Variants in XKR6 observed in about 807,000 individuals in gnomAD.
XKR6 encodes XK-related protein 6.
A neutral mutation model predicts 56.7 loss-of-function variants in XKR6; 22 were observed. The observed-to-expected ratio is 0.39, with a 90% CI of 0.28 to 0.55. The LOEUF (loss-of-function observed/expected upper bound fraction) is 0.55. XKR6 is among the 20% of genes least tolerant of loss of function. XKR6 has a pLI of 0.66. For synonymous variants in XKR6, 524 were observed against 387.8 expected, an observed-to-expected ratio of 1.35 and a Z score of -4.13; for missense variants, 852 against 889.0, an observed-to-expected ratio of 0.96 and a Z score of 0.53.
rs899837591 is a variant in XKR6 at position 11,109,707 on chromosome 8, A to G, written c.764+90869T>C. 3.9e-5 allele frequency: 6 copies of G among 152,194 alleles called. 1 individual carries two copies. The East Asian group carries it at 1.2e-3, about 29-fold the overall frequency. 9.4% of individuals were successfully genotyped at this position (152,194 alleles called of 1,614,324 possible). ...TTCATTTGTGCTCAGAGTTTTCAGC[A>G]TCTAAGATGGCCTTTAAACTATTCA... On this transcript the variant is annotated intron_variant, in intron 1 of 2. Transcript: ENST00000416569.
chr8:11,048,829 T>G (rs917620001), intron 1 of XKR6, among the ~76,000 whole-genome samples: 11 of 152,276 alleles, frequency 7.2e-5, no homozygotes, highest in Admixed American at 7.2e-4. Flanking sequence ...CAGCCTCTGC[T>G]CTGTCCTCTC....
At chr8:11,010,648 G>A (rs1009966549) in intron 1 of XKR6, among the ~76,000 whole-genome samples, 5 of 152,080 alleles carry the variant, frequency 3.3e-5, no homozygotes, top group Admixed American at 6.5e-5. Flanking sequence ...TCAACATTTC[G>A]TAATTTTCCA....
chr8:10,900,857 C>CTTTTTTTT (rs139738888), intron 2 of XKR6, among the ~76,000 whole-genome samples: 7 of 114,364 alleles, frequency 6.1e-5, no homozygotes, highest in African/African-American at 1.0e-4. Context: ...GTGCAATTAC[C>CTTTTTTTT]TTTTTTTTTT....
At chr8:11,033,972 T>C (rs1426979876) in intron 1 of XKR6, among the ~76,000 whole-genome samples, 1 of 152,212 alleles carries the variant, frequency 6.6e-6, no homozygotes, top group East Asian at 1.9e-4. Context: ...GCCAGGACTA[T>C]AACCACATCC....
chr8:10,976,472 C>T (rs184525664), intron 1 of XKR6, among the ~76,000 whole-genome samples: 10 of 152,280 alleles, frequency 6.6e-5, no homozygotes, highest in East Asian at 5.8e-4. Context: ...GAACCAGATA[C>T]GCCTGCAGGT....
chr8:10,937,682 TG>T (rs1280501237), intron 1 of XKR6, among the ~76,000 whole-genome samples: 1 of 148,378 alleles, frequency 6.7e-6, no homozygotes, highest in Non-Finnish European at 1.5e-5. Flanking sequence ...AGTGTGCCCC[TG>T]CTGGGGGGTG....
At chr8:11,062,761 G>A in intron 1 of XKR6, 1 of 456,240 alleles carries the variant, frequency 2.2e-6, no homozygotes, top group South Asian at 1.5e-5. Flanking sequence ...CGTACTTACA[G>A]AAATTGTTCT....
rs58447625 is a variant in XKR6, at chr8:10,940,796, C to T, written c.765-15966G>A. 1.9e-3 allele frequency among the ~76,000 whole-genome samples: 282 copies of T among 152,296 alleles called. 2 individuals carry two copies. The highest frequency in any genetic ancestry group is 6.3e-3 in the African/African-American group (260 of 41,566). ...CACACACATCCCCTTTGCAATAGGC[C>T]GGCGGGCCCATCACCAGCAAACTGC... On this transcript the variant is annotated intron_variant, in intron 1 of 2. Coordinates refer to ENST00000416569, the MANE Select transcript of XKR6 (RefSeq NM_173683.4).
intron 1 of XKR6, among the ~76,000 whole-genome samples, chr8:11,193,192 G>A (rs1314988099): frequency 6.6e-6 from 1 of 152,204 alleles, no homozygotes; most frequent in African/African-American, 2.4e-5. Flanking sequence ...GATGAGCACA[G>A]TCCATGCTCT....
chr8:11,003,467 T>G (rs557140392), intron 1 of XKR6, among the ~76,000 whole-genome samples: 2 of 152,168 alleles, frequency 1.3e-5, no homozygotes, highest in East Asian at 1.9e-4. Flanking sequence ...ATCATCACCA[T>G]CAACCACCAC....
At chr8:11,029,876 C>T (rs1212514999) in intron 1 of XKR6, among the ~76,000 whole-genome samples, 3 of 152,164 alleles carry the variant, frequency 2.0e-5, no homozygotes, top group East Asian at 1.9e-4. Flanking sequence ...CCCTACTCCA[C>T]GATCTTGGCT....
chr8:11,177,428 G>C (rs536219897), intron 1 of XKR6, among the ~76,000 whole-genome samples: 1 of 152,172 alleles, frequency 6.6e-6, no homozygotes, highest in Non-Finnish European at 1.5e-5. Context: ...ATTATGCTAA[G>C]AAAAGACCAT....
intron 1 of XKR6, among the ~76,000 whole-genome samples, chr8:10,934,990 G>C (rs1801171038): frequency 1.1e-5 from 1 of 94,620 alleles, no homozygotes; most frequent in South Asian, 3.5e-4. Flanking sequence ...GTTCCTCCTT[G>C]TACCTCTGGT....
At chr8:10,926,141 G>T (rs1465060540) in intron 1 of XKR6, among the ~76,000 whole-genome samples, 2 of 152,178 alleles carry the variant, frequency 1.3e-5, no homozygotes, top group Non-Finnish European at 2.9e-5. Context: ...ACCCTATCCA[G>T]GCCCAGCTGG....
At chr8:10,960,306 C>T (rs935180406) in intron 1 of XKR6, among the ~76,000 whole-genome samples, 2 of 151,498 alleles carry the variant, frequency 1.3e-5, no homozygotes, top group Admixed American at 6.5e-5. Flanking sequence ...AGCAGAGGTA[C>T]AGTCTACTTC....
chr8:11,167,341 G>C (rs1717163201), intron 1 of XKR6, among the ~76,000 whole-genome samples: 1 of 152,182 alleles, frequency 6.6e-6, no homozygotes, highest in Non-Finnish European at 1.5e-5. Flanking sequence ...CCAAGAATGG[G>C]ACCCTGGTCC....
At chr8:11,137,468 G>A (rs758119869) in intron 1 of XKR6, 6 of 431,624 alleles carry the variant, frequency 1.4e-5, no homozygotes, top group Admixed American at 1.0e-4. Context: ...CAGCCGACAC[G>A]GAAGTCTTAT....
intron 1 of XKR6, among the ~76,000 whole-genome samples, chr8:11,089,743 A>G (rs1448434217): frequency 6.6e-6 from 1 of 152,254 alleles, no homozygotes; most frequent in Non-Finnish European, 1.5e-5. Flanking sequence ...AGCGTTTTGC[A>G]TAGTTCTACT....
chr8:11,194,891 G>A, intron 1 of XKR6: 1 of 505,202 alleles, frequency 2.0e-6, no homozygotes, highest in Non-Finnish European at 3.5e-6. Flanking sequence ...GATCCTTCTG[G>A]AAATACTATG....
Sources: allele counts gnomAD v4.1 joint callset (sites outside exome capture counted in the v4.1 genomes callset), GRCh38; gene constraint gnomAD v4.1.1; transcripts MANE v1.5; gene names NCBI Gene and HGNC (gene_info 2026-07-23, HGNC 2026-07-21).